Variants in KIF4A observed in about 807,000 individuals in gnomAD.
KIF4A encodes the protein kinesin family member 4A.
KIF4A carries 7 observed loss-of-function variants against 105.9 expected under a neutral mutation model. That is an observed-to-expected ratio of 0.07 (90% CI 0.04 to 0.12). The LOEUF (loss-of-function observed/expected upper bound fraction) is 0.12. Ranked by LOEUF, KIF4A falls within the 10% of genes least tolerant of loss-of-function variation. The pLI is 1.00. For synonymous variants in KIF4A, 281 were observed against 331.3 expected (o/e 0.85, Z 1.65); for missense variants, 558 against 929.2 (o/e 0.60, Z 5.19).
At chrX:70,382,790 CAA>C (rs752261480) in intron 18 of KIF4A, among the ~76,000 whole-genome samples, 7 of 54,271 alleles carry the variant, frequency 1.3e-4, no homozygotes, top group Non-Finnish European at 1.1e-4. Flanking sequence ...CCATCTCTAA[CAA>C]AAAAAAAAAA....
intron 18 of KIF4A, among the ~76,000 whole-genome samples, chrX:70,378,454 C>T (rs1389007931): frequency 4.5e-5 from 5 of 111,787 alleles, no homozygotes; most frequent in African/African-American, 1.3e-4. Context: ...ATAGGCTGGG[C>T]GCGGTGGCTC....
chrX:70,412,186 A>G (rs907250860), intron 28 of KIF4A, among the ~76,000 whole-genome samples: 4 of 111,804 alleles, frequency 3.6e-5, no homozygotes, highest in African/African-American at 1.3e-4. Context: ...TACCACTACC[A>G]GGTATTTATC....
chrX:70,373,319 GGGAAA>G (rs200970116), intron 15 of KIF4A, among the ~76,000 whole-genome samples: 4,279 of 95,679 alleles, frequency 0.045, 114 homozygotes, highest in East Asian at 0.11. Context: ...CGGGGAGGGA[GGGAAA>G]GGAAAGGAAG....
Position 70,403,962 on chromosome X carries a change from A to T in KIF4A, c.2718A>T (p.Arg906=), listed in dbSNP as rs1466661090. The change falls in exon 24 of 31, where the codon CGA becomes CGT. Residue 906 remains arginine (R), a synonymous_variant. Coordinates refer to ENST00000374403, the MANE Select transcript of KIF4A (RefSeq NM_012310.5). The part of the protein sequence containing the change: ...ADMQKMLFEE[R]NHFAEIETEL... ...TGCAGAAGATGCTGTTTGAGGAACGAAATCATTTTGCCGAGATAGAGACAG... is the reference window on the plus strand; with the variant it reads ...TGCAGAAGATGCTGTTTGAGGAACGTAATCATTTTGCCGAGATAGAGACAG... 8.3e-7 allele frequency: 1 copy of T among 1,211,878 alleles called. No homozygotes were observed. Among genetic ancestry groups the T allele is most frequent in the South Asian group, 1.8e-5 (1 of 56,989 alleles).
At chrX:70,419,846 G>A in intron 30 of KIF4A, 63 bp downstream of exon 30, 2 of 1,181,349 alleles carry the variant, frequency 1.7e-6, no homozygotes, top group South Asian at 1.8e-5. Flanking sequence ...CATTATCTAT[G>A]AGAGACCAGT....
intron 16 of KIF4A, among the ~76,000 whole-genome samples, chrX:70,374,779 G>T (rs1041120904): frequency 8.9e-6 from 1 of 111,962 alleles, no homozygotes; most frequent in Admixed American, 9.5e-5. Context: ...TGCCGTATGG[G>T]CTATCCTACC....
At chrX:70,291,945 G>A (rs1233214710) in intron 3 of KIF4A, among the ~76,000 whole-genome samples, 1 of 111,849 alleles carries the variant, frequency 8.9e-6, no homozygotes, top group Non-Finnish European at 1.9e-5. Flanking sequence ...CTAGGCAACA[G>A]CTATTCACAT....
chrX:70,376,480 T>C (rs2086175466), intron 18 of KIF4A, among the ~76,000 whole-genome samples: 1 of 107,131 alleles, frequency 9.3e-6, no homozygotes, highest in Non-Finnish European at 1.9e-5. Flanking sequence ...CATGGATTTC[T>C]CAAATACAAG....
intron 7 of KIF4A, among the ~76,000 whole-genome samples, chrX:70,313,133 G>C (rs1260584822): frequency 9.0e-6 from 1 of 111,286 alleles, no homozygotes; most frequent in African/African-American, 3.3e-5. Context: ...GTATGACCAA[G>C]AATTTGTCCA....
intron 10 of KIF4A, among the ~76,000 whole-genome samples, chrX:70,338,772 C>G (rs1421367096): frequency 9.0e-6 from 1 of 111,521 alleles, no homozygotes; most frequent in Non-Finnish European, 1.9e-5. Context: ...GTTAGAAAGC[C>G]TTTCTCCACA....
intron 9 of KIF4A, among the ~76,000 whole-genome samples, chrX:70,330,779 CAAAG>C (rs776568272): frequency 2.9e-4 from 33 of 111,995 alleles, no homozygotes; most frequent in African/African-American, 6.5e-4. Context: ...CTGCACAAAA[CAAAG>C]AGAGTTCTAG....
chrX:70,409,555 G>A (rs774865497), intron 28 of KIF4A, among the ~76,000 whole-genome samples: 7 of 111,300 alleles, frequency 6.3e-5, no homozygotes, highest in African/African-American at 2.3e-4. Context: ...CCAGCACTTC[G>A]GGAGGCCAAG....
intron 18 of KIF4A, among the ~76,000 whole-genome samples, chrX:70,380,087 G>C (rs909020747): frequency 8.9e-6 from 1 of 111,732 alleles, no homozygotes; most frequent in Non-Finnish European, 1.9e-5. Context: ...CAGATCACTT[G>C]AGGTCAGAAG....
Position 70,297,035 on chromosome X carries a change from C to T in KIF4A, c.273C>T (p.Gly91=), listed in dbSNP as rs143820989. The change falls in exon 4 of 31, where the codon GGC becomes GGT. Residue 91 remains glycine, a synonymous_variant. Coordinates refer to ENST00000374403, the MANE Select transcript of KIF4A (RefSeq NM_012310.5). Reference sequence around the variant, plus strand: ...CGGTCCTGGCCTATGGGCAGACTGGCTCTGGAAAAACCTATTCAATGGGAG... The same window carrying T: ...CGGTCCTGGCCTATGGGCAGACTGGTTCTGGAAAAACCTATTCAATGGGAG... The part of the protein sequence containing the change: ...NATVLAYGQT[G]SGKTYSMGGA... 5.6e-4 allele frequency: 676 copies of T among 1,210,218 alleles called. 1 individual carries two copies. The highest frequency in any genetic ancestry group is 6.8e-4 in the Non-Finnish European group (607 of 895,259).
At chrX:70,341,654 A>G (rs1405144857) in intron 10 of KIF4A, 145 bp from the exon 11 acceptor site, 5 of 516,132 alleles carry the variant, frequency 9.7e-6, no homozygotes, top group East Asian at 7.7e-5. Flanking sequence ...ATTGGGTTGG[A>G]CACACTTTTC....
chrX:70,329,818 C>T (rs766368114), intron 8 of KIF4A, among the ~76,000 whole-genome samples: 2 of 111,615 alleles, frequency 1.8e-5, no homozygotes, highest in South Asian at 7.6e-4. Context: ...GCAGAATTCC[C>T]TGGAGAGTTA....
intron 15 of KIF4A, among the ~76,000 whole-genome samples, chrX:70,364,918 T>C (rs1412258375): frequency 9.0e-6 from 1 of 111,654 alleles, no homozygotes; most frequent in Non-Finnish European, 1.9e-5. Flanking sequence ...TTTATTTCGT[T>C]GAGCAGTGGT....
intron 20 of KIF4A, among the ~76,000 whole-genome samples, chrX:70,394,042 T>G (rs2086249943): frequency 9.2e-6 from 1 of 108,615 alleles, no homozygotes; most frequent in Admixed American, 1.0e-4. Flanking sequence ...ATTTTTGTAT[T>G]TTTTGTAGAG....
chrX:70,394,184 G>T (rs1183667744), intron 20 of KIF4A, among the ~76,000 whole-genome samples: 1 of 103,098 alleles, frequency 9.7e-6, no homozygotes, highest in African/African-American at 3.5e-5. Context: ...GTTCTTATAG[G>T]CAGCATATAT....
Sources: allele counts gnomAD v4.1 joint callset (sites outside exome capture counted in the v4.1 genomes callset), GRCh38; gene constraint gnomAD v4.1.1; transcripts MANE v1.5; gene names NCBI Gene and HGNC (gene_info 2026-07-23, HGNC 2026-07-21).